The following NAALADL2 variants were observed in gnomAD, a reference collection of about 807,000 sequenced individuals.
The protein encoded by NAALADL2 is N-acetylated alpha-linked acidic dipeptidase like 2.
NAALADL2 carries 76 observed loss-of-function variants against 87.2 expected under a neutral mutation model. The ratio of observed to expected loss-of-function variants is 0.87; its 90% confidence interval spans 0.72 to 1.05. The LOEUF is 1.05. Among genes scored for constraint, NAALADL2 ranks in the 50% least tolerant of loss-of-function variants. The pLI is 0.00. For missense variants in NAALADL2, 1,089 were observed against 945.8 expected (o/e 1.15, Z -1.99); for synonymous variants, 354 against 331.0 (o/e 1.07, Z -0.75).
intron 5 of NAALADL2, among the ~76,000 whole-genome samples, chr3:175,446,158 C>A (rs1165471869): frequency 6.7e-6 from 1 of 149,194 alleles, no homozygotes; most frequent in Non-Finnish European, 1.5e-5. Flanking sequence ...TAAGAGTGAA[C>A]CTTCTATTAC....
intron 1 of NAALADL2, among the ~76,000 whole-genome samples, chr3:174,973,657 T>C (rs904044191): frequency 8.5e-5 from 13 of 152,336 alleles, no homozygotes; most frequent in Non-Finnish European, 1.8e-4. Flanking sequence ...GAGTGTACTT[T>C]CCGAAACCTA....
At chr3:175,768,727 C>G (rs1362248556) in intron 13 of NAALADL2, among the ~76,000 whole-genome samples, 1 of 151,940 alleles carries the variant, frequency 6.6e-6, no homozygotes, top group Admixed American at 6.6e-5. Context: ...TGGTGCACCC[C>G]TGTAGTCCTA....
intron 1 of NAALADL2, among the ~76,000 whole-genome samples, chr3:174,902,532 G>A (rs565689654): frequency 7.2e-5 from 11 of 152,128 alleles, no homozygotes; most frequent in Admixed American, 5.2e-4. Flanking sequence ...GATTAAAGAT[G>A]TACATGAAAG....
At chr3:174,818,710 A>C (rs1467850450) in intron 3 of NAALADL2, among the ~76,000 whole-genome samples, 1 of 152,146 alleles carries the variant, frequency 6.6e-6, no homozygotes, top group East Asian at 1.9e-4. Flanking sequence ...AAAGATTTAG[A>C]TACAGAAATT....
intron 4 of NAALADL2, among the ~76,000 whole-genome samples, chr3:175,261,628 TA>T (rs748938831): frequency 1.2e-4 from 18 of 152,124 alleles, no homozygotes; most frequent in Non-Finnish European, 2.2e-4. Context: ...TGTAATATAC[TA>T]AGATATTAGT....
chr3:174,866,743 T>C (rs980340229), intron 1 of NAALADL2, among the ~76,000 whole-genome samples: 6 of 151,902 alleles, frequency 3.9e-5, no homozygotes, highest in Non-Finnish European at 7.4e-5. Flanking sequence ...AACCTTCAGA[T>C]GCAATGAAGT....
intron 11 of NAALADL2, among the ~76,000 whole-genome samples, chr3:175,636,690 T>TC (rs1560892271): frequency 8.2e-6 from 1 of 122,246 alleles, no homozygotes; most frequent in African/African-American, 3.1e-5. Context: ...AGAGCAAGAC[T>TC]CCATCTAAAA....
At chr3:175,706,543 G>A (rs1357830740) in intron 11 of NAALADL2, among the ~76,000 whole-genome samples, 2 of 152,068 alleles carry the variant, frequency 1.3e-5, no homozygotes, top group East Asian at 3.8e-4. Flanking sequence ...TTAACCATGA[G>A]TAACAGCTAT....
chr3:174,605,376 C>T (rs569418861), intron 2 of NAALADL2, among the ~76,000 whole-genome samples: 3 of 152,260 alleles, frequency 2.0e-5, no homozygotes, highest in Non-Finnish European at 4.4e-5. Flanking sequence ...TTGCCTCACT[C>T]GGGAAGCACA....
chr3:174,466,273 A>ATTT (rs1326538046), intron 1 of NAALADL2, among the ~76,000 whole-genome samples: 2 of 137,644 alleles, frequency 1.5e-5, no homozygotes, highest in African/African-American at 2.7e-5. Context: ...ACATTATGAG[A>ATTT]TTTTTTTTTT....
chr3:175,305,403 G>A (rs980164209), intron 4 of NAALADL2, among the ~76,000 whole-genome samples: 1 of 152,118 alleles, frequency 6.6e-6, no homozygotes, highest in African/African-American at 2.4e-5. Context: ...TCTGAAAGAT[G>A]TACATCTCTT....
intron 1 of NAALADL2, among the ~76,000 whole-genome samples, chr3:174,520,375 G>T (rs970969449): frequency 1.1e-4 from 17 of 152,130 alleles, no homozygotes; most frequent in African/African-American, 3.4e-4. Flanking sequence ...TCAGATCAAT[G>T]TAACAGAGTA....
intron 1 of NAALADL2, among the ~76,000 whole-genome samples, chr3:174,496,609 A>C (rs1718556004): frequency 6.6e-6 from 1 of 151,192 alleles, no homozygotes; most frequent in African/African-American, 2.4e-5. Context: ...TGGAATTATT[A>C]CTCTTTTAAG....
chr3:174,859,861 C>T (rs548333871), intron 1 of NAALADL2, among the ~76,000 whole-genome samples: 15 of 152,112 alleles, frequency 9.9e-5, no homozygotes, highest in Middle Eastern at 3.4e-3. Context: ...TTAAGTTTTG[C>T]CATCTCTGGA....
chr3:174,868,267 A>ATGATTGTTT (rs1156759228), intron 1 of NAALADL2, among the ~76,000 whole-genome samples: 4 of 152,166 alleles, frequency 2.6e-5, no homozygotes, highest in Non-Finnish European at 4.4e-5. Context: ...TTTATTTTAC[A>ATGATTGTTT]TGATTGTTTT....
At chr3:175,677,345 GA>G (rs1734933232) in intron 11 of NAALADL2, among the ~76,000 whole-genome samples, 1 of 151,696 alleles carries the variant, frequency 6.6e-6, no homozygotes, top group East Asian at 1.9e-4. Context: ...CCTGGCAACA[GA>G]GTGAGACTCT....
At chr3:174,496,842 C>G (rs192108060) in intron 1 of NAALADL2, among the ~76,000 whole-genome samples, 6 of 152,122 alleles carry the variant, frequency 3.9e-5, no homozygotes, top group Non-Finnish European at 8.8e-5. Context: ...AACACTCCAA[C>G]AAGTTAAACA....
chr3:175,371,186 T>C (rs1766432666), intron 5 of NAALADL2, among the ~76,000 whole-genome samples: 1 of 152,172 alleles, frequency 6.6e-6, no homozygotes, highest in Non-Finnish European at 1.5e-5. Flanking sequence ...TCTTAAAAGT[T>C]CTCCTTCATT....
At chr3:175,223,473 G>C (rs1355886603) in intron 2 of NAALADL2, among the ~76,000 whole-genome samples, 1 of 151,126 alleles carries the variant, frequency 6.6e-6, no homozygotes, top group East Asian at 1.9e-4. Context: ...CCTTTATTTT[G>C]ATGGCTGAAT....
Sources: gnomAD v4.1 joint callset for allele counts (sites outside exome capture counted in the v4.1 genomes callset) on GRCh38, gnomAD v4.1.1 for gene constraint, MANE v1.5 for transcripts, NCBI Gene and HGNC (gene_info 2026-07-23, HGNC 2026-07-21) for gene names.